PVT1: variants seen among roughly 807,000 people sequenced by gnomAD.
PVT1 encodes the protein CXCR4/PVT1 fusion.
intron 4 of PVT1, among the ~76,000 whole-genome samples, chr8:128,046,135 C>T (rs1351840540): frequency 1.3e-5 from 2 of 152,204 alleles, no homozygotes; most frequent in African/African-American, 2.4e-5. Context: ...TGCTCAGATT[C>T]ATAGCTGCTC....
intron 2 of PVT1, among the ~76,000 whole-genome samples, chr8:127,875,380 T>C (rs1022025371): frequency 6.6e-6 from 1 of 151,186 alleles, no homozygotes; most frequent in Admixed American, 6.6e-5. Context: ...TCTCTCTCTC[T>C]CTCTTCTTTC....
chr8:128,001,828 A>T (rs72720840), intron 4 of PVT1, among the ~76,000 whole-genome samples: 1 of 152,106 alleles, frequency 6.6e-6, no homozygotes, highest in African/African-American at 2.4e-5. Context: ...GCGTCCTCAC[A>T]TGGAGGAAGG....
intron 5 of PVT1, among the ~76,000 whole-genome samples, chr8:128,084,026 A>C (rs977197667): frequency 3.3e-5 from 5 of 152,154 alleles, no homozygotes; most frequent in Admixed American, 2.6e-4. Flanking sequence ...GTTCAGACAA[A>C]GTTGTCACCA....
chr8:127,984,913 CTTTCTTTCTCTTTCTCTTTCTTTCTTTCT>C (rs1816940058), intron 3 of PVT1, among the ~76,000 whole-genome samples: 2 of 61,878 alleles, frequency 3.2e-5, no homozygotes, highest in African/African-American at 5.1e-5. Context: ...TTCTTTCTTT[CTTTCTTTCTCTTTCTCTTTCTTTCTTTCT>C]TTCCCCTTCC....
intron 3 of PVT1, among the ~76,000 whole-genome samples, chr8:127,919,391 C>A (rs1236952628): frequency 6.6e-6 from 1 of 152,186 alleles, no homozygotes; most frequent in Non-Finnish European, 1.5e-5. Context: ...CTTCTTAACC[C>A]TCTACTGTGG....
At chr8:127,807,249 C>A (rs1437912952) in intron 2 of PVT1, among the ~76,000 whole-genome samples, 1 of 152,214 alleles carries the variant, frequency 6.6e-6, no homozygotes, top group Non-Finnish European at 1.5e-5. Flanking sequence ...TCACTGTCAT[C>A]ATCTGGGGAG....
intron 4 of PVT1, among the ~76,000 whole-genome samples, chr8:128,018,488 G>A (rs1161891109): frequency 6.6e-6 from 1 of 152,216 alleles, no homozygotes; most frequent in Non-Finnish European, 1.5e-5. Context: ...ATGCCATTCT[G>A]TGTGCTTATT....
intron 2 of PVT1, among the ~76,000 whole-genome samples, chr8:127,809,052 A>AAAG (rs1554588314): frequency 0.032 from 4,326 of 134,808 alleles, 498 homozygotes; most frequent in African/African-American, 0.13. Context: ...AAAAAAAAAA[A>AAAG]AAAGAAAGAA....
chr8:128,088,702 G>T (rs757797984), intron 5 of PVT1, among the ~76,000 whole-genome samples: 15 of 152,210 alleles, frequency 9.9e-5, no homozygotes, highest in Admixed American at 7.2e-4. Flanking sequence ...CTGCAGTTTG[G>T]GGATGGAGTG....
chr8:127,880,524 C>G (rs553878727), intron 2 of PVT1, among the ~76,000 whole-genome samples: 1 of 151,314 alleles, frequency 6.6e-6, no homozygotes, highest in East Asian at 1.9e-4. Flanking sequence ...TCTCGATCTC[C>G]TGACCTCATG....
chr8:127,847,454 T>C (rs1012700932), intron 2 of PVT1, among the ~76,000 whole-genome samples: 2 of 152,200 alleles, frequency 1.3e-5, no homozygotes, highest in African/African-American at 2.4e-5. Context: ...GACCTGGCCA[T>C]CTCATGTTGG....
chr8:128,023,319 C>G (rs1267876270), intron 4 of PVT1, among the ~76,000 whole-genome samples: 3 of 152,138 alleles, frequency 2.0e-5, no homozygotes, highest in Admixed American at 1.3e-4. Flanking sequence ...CCAGTTGACA[C>G]CAACCTAGAT....
At chr8:127,938,774 G>C (rs893492154) in intron 3 of PVT1, among the ~76,000 whole-genome samples, 4 of 152,166 alleles carry the variant, frequency 2.6e-5, no homozygotes, top group African/African-American at 9.7e-5. Flanking sequence ...TTGCCTTTGC[G>C]TTCCTCTGCC....
chr8:127,938,106 G>A (rs1054046890), intron 3 of PVT1, among the ~76,000 whole-genome samples: 5 of 152,184 alleles, frequency 3.3e-5, no homozygotes, highest in African/African-American at 1.2e-4. Flanking sequence ...TTCACAAGGA[G>A]CATAGCCATC....
At chr8:128,030,887 C>T (rs1459513116) in intron 4 of PVT1, among the ~76,000 whole-genome samples, 1 of 152,234 alleles carries the variant, frequency 6.6e-6, no homozygotes, top group Admixed American at 6.5e-5. Context: ...CAGCCCCAGT[C>T]CCAGGCCTGC....
chr8:127,998,535 T>TCTCTC (rs1222288032), intron 4 of PVT1, among the ~76,000 whole-genome samples: 1 of 143,470 alleles, frequency 7.0e-6, no homozygotes, highest in African/African-American at 2.6e-5. Context: ...CCTTCTTTCT[T>TCTCTC]TCTCTCTCTC....
chr8:128,019,315 G>A (rs968092139), intron 4 of PVT1, among the ~76,000 whole-genome samples: 1 of 152,156 alleles, frequency 6.6e-6, no homozygotes, highest in African/African-American at 2.4e-5. Flanking sequence ...ATAAAGACGG[G>A]AAAGTAACCA....
intron 2 of PVT1, among the ~76,000 whole-genome samples, chr8:127,797,184 C>T (rs181003878): frequency 1.3e-5 from 2 of 152,194 alleles, no homozygotes; most frequent in East Asian, 1.9e-4. Flanking sequence ...AGGCATGGAC[C>T]ACCATGCCTG....
At chr8:128,002,845 A>T (rs1409908030) in intron 4 of PVT1, among the ~76,000 whole-genome samples, 2 of 152,146 alleles carry the variant, frequency 1.3e-5, no homozygotes, top group African/African-American at 4.8e-5. Context: ...ACAGAGTATA[A>T]GGAGAAAATG....
Sources: allele counts gnomAD v4.1 joint callset (sites outside exome capture counted in the v4.1 genomes callset), GRCh38; gene constraint gnomAD v4.1.1; transcripts MANE v1.5; gene names NCBI Gene and HGNC (gene_info 2026-07-23, HGNC 2026-07-21).